GAD2: variants seen among roughly 807,000 people sequenced by gnomAD.
GAD2 encodes glutamate decarboxylase 2, also known as 65 kDa glutamic acid decarboxylase.
Under a neutral mutation model 80.1 loss-of-function variants are expected in GAD2, and 22 were observed. The ratio of observed to expected loss-of-function variants is 0.27; its 90% CI spans 0.20 to 0.39. The LOEUF (loss-of-function observed/expected upper bound fraction) is 0.39, where lower values mean the gene tolerates loss of function less well. Ranked by LOEUF, GAD2 falls within the 10% of genes least tolerant of loss-of-function variation. The pLI is 1.00. For synonymous variants in GAD2, 274 were observed against 256.9 expected, an observed-to-expected ratio of 1.07 and a Z score of -0.64; for missense variants, 624 against 738.4, an observed-to-expected ratio of 0.85 and a Z score of 1.80.
At chr10:26,236,951 G>A (rs1035648264) in intron 7 of GAD2, among the ~76,000 whole-genome samples, 1 of 152,152 alleles carries the variant, frequency 6.6e-6, no homozygotes, top group African/African-American at 2.4e-5. Flanking sequence ...TAAGCAATAG[G>A]TAAGACCTCC....
intron 7 of GAD2, among the ~76,000 whole-genome samples, chr10:26,231,547 CCTT>C (rs1333344141): frequency 6.6e-6 from 1 of 152,146 alleles, no homozygotes; most frequent in African/African-American, 2.4e-5. Context: ...TGTGAAATGT[CCTT>C]CTTCAACGTA....
At position 26,300,901 on chromosome 10, in the gene GAD2, A is replaced by C. The variant is rs760164217; in HGVS notation, c.1698A>C (p.Ala566=). Residue 566 remains alanine, a synonymous_variant, in exon 16 of 16, where the codon GCA becomes GCC. Coordinates refer to ENST00000376261, the MANE Select transcript of GAD2 (RefSeq NM_001134366.2). Reference sequence around the variant, plus strand: ...GCATGGTCATCTCAAACCCAGCGGCAACTCACCAAGACATTGACTTCCTGA... The same window carrying C: ...GCATGGTCATCTCAAACCCAGCGGCCACTCACCAAGACATTGACTTCCTGA... ...FFRMVISNPA[A]THQDIDFLIE... 19 of 1,613,906 alleles carry C rather than the reference A, an allele frequency of 1.2e-5. No homozygotes were observed. The highest frequency in any genetic ancestry group is 1.6e-5 in the Non-Finnish European group (19 of 1,179,918).
chr10:26,270,522 C>A, intron 9 of GAD2, 118 bp from the exon 10 acceptor site: 1 of 768,846 alleles, frequency 1.3e-6, no homozygotes, highest in Non-Finnish European at 2.3e-6. Flanking sequence ...AACTCTGCTG[C>A]TGCTTCCTCA....
At chr10:26,275,823 A>T (rs1381205265) in intron 11 of GAD2, among the ~76,000 whole-genome samples, 1 of 152,130 alleles carries the variant, frequency 6.6e-6, no homozygotes, top group Non-Finnish European at 1.5e-5. Flanking sequence ...AATCCAGAGG[A>T]TCCTTAGTAG....
At position 26,217,789 on chromosome 10, in the gene GAD2, G is replaced by A; in HGVS notation, c.137-53G>A. 1 of 1,580,292 alleles carries A rather than the reference G, an allele frequency of 6.3e-7. No homozygotes were observed. Among genetic ancestry groups the A allele is most frequent in the Non-Finnish European group, 8.6e-7 (1 of 1,162,256 alleles). ...TGGCTGCGGGTAGGCGGGAGCGAGG[G>A]AGCCGGGCCCGGCGGAGGATTGACG... On this transcript the variant is annotated intron_variant, in intron 2 of 15. Coordinates refer to ENST00000376261, the MANE Select transcript of GAD2 (RefSeq NM_001134366.2). This position sits in a 1 kb window ranked among gnomAD's most constrained non-coding sequence, Gnocchi z 4.9.
chr10:26,270,782 C>T (rs750103152), intron 10 of GAD2, 26 bp downstream of exon 10: 97 of 1,403,156 alleles, frequency 6.9e-5, no homozygotes, highest in Non-Finnish European at 9.5e-5. Context: ...GGACTGGCCA[C>T]TAAAACGTCC....
chr10:26,304,173 T>C lies in GAD2; in HGVS notation c.*3212T>C, dbSNP rs1336818651. On this transcript the variant is annotated 3_prime_UTR_variant, in exon 16 of 16. Transcript: ENST00000376261. Reference sequence around the variant, plus strand: ...GGAGTGTCACCAGCTGCCAAAATCGTAGGTGTTGGCTCTGCTGGTCACTGG... The same window carrying C: ...GGAGTGTCACCAGCTGCCAAAATCGCAGGTGTTGGCTCTGCTGGTCACTGG... 1 of 152,592 alleles carries C rather than the reference T, an allele frequency of 6.6e-6. No individual in the cohort carries two copies. Among genetic ancestry groups the C allele is most frequent in the Non-Finnish European group, 1.5e-5 (1 of 68,034 alleles). 9.5% of individuals were successfully genotyped at this position (152,592 alleles called of 1,614,324 possible).
chr10:26,293,193 T>TTTTTTC lies in GAD2; in HGVS notation c.1584+204_1584+205insTTTCTT, dbSNP rs869296197. On this transcript the variant is annotated intron_variant, in intron 15 of 15. Coordinates refer to ENST00000376261, the MANE Select transcript of GAD2 (RefSeq NM_001134366.2). Reference sequence around the variant, plus strand: ...TCTTCTTTTTTTTTTTTTTTTTTTTTTTGAGATGGAGTCTCACTGTGTCTT... The same window carrying TTTTTTC: ...TCTTCTTTTTTTTTTTTTTTTTTTTTTTTTTCTTGAGATGGAGTCTCACTGTGTCTT... 3.3e-3 allele frequency among the ~76,000 whole-genome samples: 455 copies of TTTTTTC among 137,320 alleles called. 2 individuals are homozygous for TTTTTTC. Among genetic ancestry groups the TTTTTTC allele is most frequent in the African/African-American group, 4.3e-3 (150 of 35,186 alleles). 90.1% of individuals were successfully genotyped at this position (137,320 alleles called of 152,430 possible). A position where few individuals can be genotyped will look rare whatever the true frequency, so the allele number is the denominator to read the frequency against.
At chr10:26,229,479 G>C (rs184896480) in intron 6 of GAD2, among the ~76,000 whole-genome samples, 183 bp from the exon 7 acceptor site, 68 of 152,298 alleles carry the variant, frequency 4.5e-4, no homozygotes, top group African/African-American at 1.5e-3. Context: ...AGTGGCACCT[G>C]TCCTGTCCCC....
At chr10:26,268,969 C>A in intron 8 of GAD2, 150 bp from the exon 9 acceptor site, 1 of 534,082 alleles carries the variant, frequency 1.9e-6, no homozygotes, top group South Asian at 3.1e-5. Flanking sequence ...CAAGTAAATG[C>A]ATCCTTCCTG....
At chr10:26,256,867 T>C (rs1358298356) in intron 8 of GAD2, among the ~76,000 whole-genome samples, 1 of 152,244 alleles carries the variant, frequency 6.6e-6, no homozygotes, top group Non-Finnish European at 1.5e-5. Flanking sequence ...AATACCCCGT[T>C]GCTTCTGAAA....
At chr10:26,300,663 C>A in intron 15 of GAD2, 125 bp from the exon 16 acceptor site, 2 of 818,736 alleles carry the variant, frequency 2.4e-6, no homozygotes, top group Non-Finnish European at 3.9e-6. Flanking sequence ...GTAACTCTTT[C>A]AAGAGAAAAC....
At chr10:26,234,967 G>C (rs1265546499) in intron 7 of GAD2, among the ~76,000 whole-genome samples, 1 of 152,062 alleles carries the variant, frequency 6.6e-6, no homozygotes, top group Non-Finnish European at 1.5e-5. Flanking sequence ...CTGCCTCCCT[G>C]GTTCAAGCGA....
Position 26,245,974 on chromosome 10 carries a change from C to T in GAD2, c.894C>T (p.Ser298=), listed in dbSNP as rs762918789. ...CAGCCTTAGGGATTGGAACAGACAG[C>T]GTGATTCTGATTAAATGTGATGAGA... ...GAAALGIGTD[S]VILIKCDERG... Residue 298 remains serine (S), a synonymous_variant, in exon 8 of 16, where the codon AGC becomes AGT. Coordinates refer to ENST00000376261, the MANE Select transcript of GAD2 (RefSeq NM_001134366.2). The T allele has an allele frequency of 1.1e-5, 18 of 1,613,924 alleles. No homozygotes were observed. The highest frequency in any genetic ancestry group is 4.4e-5 in the South Asian group (4 of 91,076).
chr10:26,228,522 A>C (rs1349150620), intron 6 of GAD2, among the ~76,000 whole-genome samples: 1 of 152,206 alleles, frequency 6.6e-6, no homozygotes. Flanking sequence ...TATCCTTTAT[A>C]ACAGGGGTCC....
intron 13 of GAD2, among the ~76,000 whole-genome samples, chr10:26,287,177 A>C (rs1264292181): frequency 1.3e-5 from 2 of 152,126 alleles, no homozygotes; most frequent in Non-Finnish European, 2.9e-5. Flanking sequence ...TTTATTTTTA[A>C]TTTTGACCAG....
chr10:26,293,251 C>T (rs990301306), intron 15 of GAD2, among the ~76,000 whole-genome samples: 3 of 143,324 alleles, frequency 2.1e-5, no homozygotes, highest in Non-Finnish European at 4.5e-5. Context: ...GATCTCAGCT[C>T]ACTGCATCCT....
At chr10:26,243,239 C>T (rs1044011853) in intron 7 of GAD2, among the ~76,000 whole-genome samples, 4 of 152,182 alleles carry the variant, frequency 2.6e-5, no homozygotes, top group African/African-American at 9.7e-5. Context: ...TCCAGGTCTC[C>T]TTGATTGGTC....
At chr10:26,277,992 T>G (rs1845231275) in intron 11 of GAD2, among the ~76,000 whole-genome samples, 1 of 151,954 alleles carries the variant, frequency 6.6e-6, no homozygotes, top group Non-Finnish European at 1.5e-5. Flanking sequence ...TGAGGCTGTT[T>G]TTTTTTTTTA....
Sources: gnomAD v4.1 joint callset for allele counts (sites outside exome capture counted in the v4.1 genomes callset) on GRCh38, gnomAD v4.1.1 for gene constraint, Gnocchi (gnomAD v3.1) non-coding constraint, MANE v1.5 for transcripts, NCBI Gene and HGNC (gene_info 2026-07-23, HGNC 2026-07-21) for gene names.